HDAC9: variants seen among roughly 807,000 people sequenced by gnomAD.
HDAC9 encodes the protein MEF-2 interacting transcription repressor (MITR) protein.
A neutral mutation model predicts 139.4 loss-of-function variants in HDAC9; 41 were observed. That is an observed-to-expected ratio of 0.29 (90% confidence interval 0.23 to 0.38). HDAC9 has a LOEUF of 0.38. Among genes scored for constraint, HDAC9 ranks in the 10% least tolerant of loss-of-function variants. The probability of loss-of-function intolerance (pLI) is 1.00; values close to 1 mark genes in which losing one functional copy is unlikely to be tolerated. For missense variants in HDAC9, 1,147 were observed against 1,297.0 expected (o/e 0.88, Z 1.78); for synonymous variants, 517 against 476.2 (o/e 1.09, Z -1.12).
chr7:18,713,363 G>C (rs1445652740), intron 12 of HDAC9, among the ~76,000 whole-genome samples: 1 of 152,070 alleles, frequency 6.6e-6, no homozygotes, highest in Non-Finnish European at 1.5e-5. Context: ...ACTAAATACA[G>C]GGACTATCTC....
At chr7:18,606,494 A>C (rs1835541712) in intron 6 of HDAC9, among the ~76,000 whole-genome samples, 1 of 152,222 alleles carries the variant, frequency 6.6e-6, no homozygotes, top group Admixed American at 6.5e-5. Flanking sequence ...AAAAACTGAG[A>C]GAGAGAAAAT....
At chr7:18,093,847 C>G (rs1194482925) in intron 1 of HDAC9, among the ~76,000 whole-genome samples, 5 of 152,118 alleles carry the variant, frequency 3.3e-5, no homozygotes, top group African/African-American at 1.2e-4. Context: ...CATAGATATT[C>G]TACTTTTTTC....
At chr7:18,679,075 G>A (rs996236273) in intron 12 of HDAC9, among the ~76,000 whole-genome samples, 2 of 151,860 alleles carry the variant, frequency 1.3e-5, no homozygotes, top group African/African-American at 4.8e-5. Context: ...GTAAAGATCT[G>A]AAAAAATAAA....
chr7:18,522,617 CA>C (rs545270372), intron 2 of HDAC9, among the ~76,000 whole-genome samples: 1,454 of 130,304 alleles, frequency 0.011, 21 homozygotes, highest in African/African-American at 0.037. Flanking sequence ...AAACAAAAAA[CA>C]AAAAAAAAAA....
At chr7:18,092,036 C>T (rs1782187166) in intron 1 of HDAC9, among the ~76,000 whole-genome samples, 1 of 152,154 alleles carries the variant, frequency 6.6e-6, no homozygotes, top group African/African-American at 2.4e-5. Context: ...TATACAAGGG[C>T]ATGACTCCTT....
chr7:18,173,578 C>T (rs552330580), intron 2 of HDAC9, among the ~76,000 whole-genome samples: 1 of 152,314 alleles, frequency 6.6e-6, no homozygotes, highest in South Asian at 2.1e-4. Context: ...CATGTTTTTG[C>T]AGTGGCTGGT....
chr7:18,275,911 CAT>C (rs1796690398), intron 2 of HDAC9, among the ~76,000 whole-genome samples: 1 of 152,222 alleles, frequency 6.6e-6, no homozygotes, highest in East Asian at 1.9e-4. Context: ...CATGATAAAA[CAT>C]AAAGTTTGCA....
At chr7:18,913,629 T>C (rs1802931363) in intron 22 of HDAC9, among the ~76,000 whole-genome samples, 1 of 152,064 alleles carries the variant, frequency 6.6e-6, no homozygotes, top group Non-Finnish European at 1.5e-5. Context: ...TCACAGCATA[T>C]GTAAGTTTTC....
chr7:18,273,643 C>T (rs139353771), intron 2 of HDAC9, among the ~76,000 whole-genome samples: 68 of 152,158 alleles, frequency 4.5e-4, no homozygotes, highest in African/African-American at 1.5e-3. Context: ...TAGGGAAGGA[C>T]AGTAGTTTAT....
chr7:18,516,502 C>T (rs12055953), intron 2 of HDAC9, among the ~76,000 whole-genome samples: 18 of 152,120 alleles, frequency 1.2e-4, no homozygotes, highest in Admixed American at 1.1e-3. Context: ...CAACCTTCCT[C>T]TCACCTCCTT....
intron 13 of HDAC9, among the ~76,000 whole-genome samples, chr7:18,736,616 T>C (rs2129138425): frequency 6.6e-6 from 1 of 152,342 alleles, no homozygotes; most frequent in South Asian, 2.1e-4. Flanking sequence ...CTTTTTGATA[T>C]GCTGCTGGAT....
chr7:18,738,977 C>G (rs368138363), intron 13 of HDAC9, among the ~76,000 whole-genome samples: 3 of 152,240 alleles, frequency 2.0e-5, no homozygotes, highest in Middle Eastern at 3.4e-3. Flanking sequence ...TCTTTTTTCT[C>G]TAACCTTGTC....
intron 2 of HDAC9, among the ~76,000 whole-genome samples, chr7:18,196,397 G>C (rs1028775806): frequency 2.1e-4 from 32 of 152,200 alleles, no homozygotes; most frequent in African/African-American, 7.5e-4. Flanking sequence ...TAAAGCTTCA[G>C]ACAAACCTGG....
chr7:18,341,993 T>C (rs1156889507), intron 1 of HDAC9, among the ~76,000 whole-genome samples: 1 of 151,894 alleles, frequency 6.6e-6, no homozygotes, highest in Non-Finnish European at 1.5e-5. Flanking sequence ...TTTACTGTAC[T>C]CAGTGTCCCG....
intron 1 of HDAC9, among the ~76,000 whole-genome samples, chr7:18,305,710 G>GC (rs1798862435): frequency 7.6e-6 from 1 of 130,836 alleles, no homozygotes; most frequent in Non-Finnish European, 1.5e-5. Context: ...TGATCTCTGG[G>GC]CAGGGGTCTA....
At chr7:18,243,328 C>T (rs75323951) in intron 2 of HDAC9, among the ~76,000 whole-genome samples, 22 of 152,344 alleles carry the variant, frequency 1.4e-4, no homozygotes, top group African/African-American at 4.6e-4. Flanking sequence ...ATAATCCCTA[C>T]TTCTTTGGAG....
chr7:18,456,954 C>T (rs553443872), intron 1 of HDAC9, among the ~76,000 whole-genome samples: 6 of 152,230 alleles, frequency 3.9e-5, no homozygotes, highest in East Asian at 3.9e-4. Context: ...TAGCTATACT[C>T]GGGAGTCACA....
chr7:18,656,075 G>A (rs1791055944), intron 11 of HDAC9, among the ~76,000 whole-genome samples: 1 of 148,084 alleles, frequency 6.8e-6, no homozygotes, highest in Non-Finnish European at 1.5e-5. Context: ...TATTTTGGTA[G>A]CTTGCAAGTT....
At chr7:18,671,166 C>G (rs1452941938) in intron 12 of HDAC9, among the ~76,000 whole-genome samples, 1 of 151,968 alleles carries the variant, frequency 6.6e-6, no homozygotes, top group Non-Finnish European at 1.5e-5. Flanking sequence ...TTAAACCTAT[C>G]AAGGACACGC....
Sources: gnomAD v4.1 joint callset for allele counts (sites outside exome capture counted in the v4.1 genomes callset) on GRCh38, gnomAD v4.1.1 for gene constraint, MANE v1.5 for transcripts, NCBI Gene and HGNC (gene_info 2026-07-23, HGNC 2026-07-21) for gene names.